AXDND1: variants seen among roughly 807,000 people sequenced by gnomAD.
AXDND1 encodes the protein axonemal dynein light chain domain-containing protein 1.
AXDND1 carries 110 observed loss-of-function variants against 137.5 expected under a neutral mutation model. The ratio of observed to expected loss-of-function variants is 0.80; its 90% confidence interval spans 0.69 to 0.94. AXDND1 has a LOEUF of 0.94. AXDND1 is among the 40% of genes least tolerant of loss of function. The probability of loss-of-function intolerance (pLI) is 0.00; values close to 1 mark genes in which losing one functional copy is unlikely to be tolerated. For synonymous variants in AXDND1, 414 were observed against 399.7 expected, an observed-to-expected ratio of 1.04 and a Z score of -0.43; for missense variants, 1,191 against 1,169.8, an observed-to-expected ratio of 1.02 and a Z score of -0.26.
chr1:179,464,903 A>G (rs1444794608), intron 16 of AXDND1, among the ~76,000 whole-genome samples: 1 of 152,206 alleles, frequency 6.6e-6, no homozygotes, highest in African/African-American at 2.4e-5. Flanking sequence ...CACTTGATCA[A>G]ATCAGCTACT....
At position 179,368,924 on chromosome 1, in the gene AXDND1, T is replaced by C; in HGVS notation, c.222T>C (p.Gly74=). Reference sequence around the variant, plus strand: ...CTCTGACCTATGCGGCCAATGCTGGTCCTTGTCCTGAAAACTTACTACCTC... The same window carrying C: ...CTCTGACCTATGCGGCCAATGCTGGCCCTTGTCCTGAAAACTTACTACCTC... ...LLSLTYAANA[G]PCPENLLPPK... Residue 74 remains glycine, a synonymous_variant, in exon 3 of 26, where the codon GGT becomes GGC. Transcript: ENST00000367618. 6.2e-7 allele frequency: 1 copy of C among 1,614,026 alleles called. No homozygotes were observed. Among genetic ancestry groups the C allele is most frequent in the Non-Finnish European group, 8.5e-7 (1 of 1,179,938 alleles).
intron 20 of AXDND1, among the ~76,000 whole-genome samples, chr1:179,501,669 C>T (rs1160213861): frequency 1.3e-5 from 2 of 152,080 alleles, no homozygotes; most frequent in Non-Finnish European, 2.9e-5. Context: ...CCAATCACGC[C>T]ACTGCATTCC....
At chr1:179,441,869 A>T (rs10798678) in intron 15 of AXDND1, among the ~76,000 whole-genome samples, 64 of 152,180 alleles carry the variant, frequency 4.2e-4, no homozygotes, top group African/African-American at 1.4e-3. Flanking sequence ...TTTAAATTCC[A>T]TATCAGATAT....
intron 16 of AXDND1, among the ~76,000 whole-genome samples, chr1:179,467,837 A>G (rs1029630869): frequency 3.9e-5 from 6 of 152,338 alleles, no homozygotes; most frequent in African/African-American, 9.6e-5. Flanking sequence ...TTGTCTTTAT[A>G]TAACTTTGAG....
chr1:179,535,526 A>G (rs1671463367), intron 25 of AXDND1, among the ~76,000 whole-genome samples: 1 of 152,180 alleles, frequency 6.6e-6, no homozygotes, highest in African/African-American at 2.4e-5. Context: ...TTCCAGCTTC[A>G]TCCATGTCCC....
At position 179,518,278 on chromosome 1, in the gene AXDND1, C is replaced by G. The variant is rs188114593; in HGVS notation, c.2497-7056C>G. On this transcript the variant is annotated intron_variant, in intron 21 of 25. Coordinates refer to ENST00000367618, the MANE Select transcript of AXDND1 (RefSeq NM_144696.6). ...AACATTTAAAAACAGCTGTATTCAA[C>G]CTAAGTCTATTTTTTGATTTTCTAT... 2.6e-3 allele frequency among the ~76,000 whole-genome samples: 396 copies of G among 152,212 alleles called. 1 individual carries two copies. Among genetic ancestry groups the G allele is most frequent in the Non-Finnish European group, 4.3e-3 (291 of 68,010 alleles).
chr1:179,392,179 C>T (rs1451378205), intron 9 of AXDND1, among the ~76,000 whole-genome samples: 2 of 152,160 alleles, frequency 1.3e-5, no homozygotes, highest in African/African-American at 4.8e-5. Flanking sequence ...CTTATGCCTT[C>T]GCATCCTCAT....
In AXDND1 at chr1:179,374,519, T is replaced by C. The variant is rs187968776; in HGVS notation, c.375-4118T>C. Among the ~76,000 whole-genome samples the C allele has an allele frequency of 8.8e-4, 134 of 152,264 alleles. 1 individual carries two copies. Among genetic ancestry groups the C allele is most frequent in the African/African-American group, 2.9e-3 (122 of 41,542 alleles). ...TACATCATGCTACTATAAAGACACA[T>C]GCACACATATGTTTATTGCGGCACT... On this transcript the variant is annotated intron_variant, in intron 4 of 25. Transcript: ENST00000367618.
At chr1:179,510,893 C>T (rs1668977657) in intron 21 of AXDND1, among the ~76,000 whole-genome samples, 1 of 150,404 alleles carries the variant, frequency 6.6e-6, no homozygotes, top group Non-Finnish European at 1.5e-5. Flanking sequence ...TATCCCTTGC[C>T]CCCCTCCCAC....
intron 7 of AXDND1, among the ~76,000 whole-genome samples, chr1:179,383,185 G>A (rs542125306): frequency 7.9e-5 from 12 of 151,790 alleles, no homozygotes; most frequent in Non-Finnish European, 1.5e-4. Context: ...TATATGATAG[G>A]TATATAGAAT....
At chr1:179,550,966 T>C in intron 25 of AXDND1, 1 of 629,960 alleles carries the variant, frequency 1.6e-6, no homozygotes, top group Non-Finnish European at 2.8e-6. Flanking sequence ...TCTGACTAGA[T>C]GAGTCACGGA....
intron 16 of AXDND1, among the ~76,000 whole-genome samples, chr1:179,465,463 G>A (rs961317984): frequency 6.6e-6 from 1 of 152,230 alleles, no homozygotes; most frequent in Non-Finnish European, 1.5e-5. Context: ...AAATGTTTCT[G>A]CCTGATCCTT....
intron 21 of AXDND1, among the ~76,000 whole-genome samples, chr1:179,516,156 T>G (rs1669515694): frequency 6.6e-6 from 1 of 152,128 alleles, no homozygotes; most frequent in Non-Finnish European, 1.5e-5. Context: ...TTTCTTTTTC[T>G]TTTTTCTTTG....
chr1:179,378,842 A>T (rs1647744394), intron 5 of AXDND1, 85 bp downstream of exon 5: 1 of 1,129,484 alleles, frequency 8.9e-7, no homozygotes, highest in Non-Finnish European at 1.1e-6. Flanking sequence ...TATAAATATA[A>T]AATATAAAAC....
intron 11 of AXDND1, among the ~76,000 whole-genome samples, chr1:179,410,230 T>C (rs915598623): frequency 3.9e-5 from 6 of 152,192 alleles, no homozygotes; most frequent in Non-Finnish European, 8.8e-5. Flanking sequence ...ATAACTTCTA[T>C]GTTTGTATTT....
chr1:179,401,165 G>A (rs984570278), intron 11 of AXDND1, among the ~76,000 whole-genome samples: 16 of 150,454 alleles, frequency 1.1e-4, no homozygotes, highest in African/African-American at 3.9e-4. Flanking sequence ...GGCTGAGGCA[G>A]GAGAATCGCT....
intron 2 of AXDND1, among the ~76,000 whole-genome samples, chr1:179,367,591 G>T (rs1354606253): frequency 6.6e-6 from 1 of 151,836 alleles, no homozygotes; most frequent in Non-Finnish European, 1.5e-5. Flanking sequence ...ACAAAATTTA[G>T]CCTGGTGTGG....
At chr1:179,370,359 T>C (rs1298339857) in intron 4 of AXDND1, among the ~76,000 whole-genome samples, 1 of 152,218 alleles carries the variant, frequency 6.6e-6, no homozygotes, top group Non-Finnish European at 1.5e-5. Context: ...TCCTATTCCC[T>C]GTTGTACCCT....
chr1:179,513,431 A>T (rs1280096251), intron 21 of AXDND1, among the ~76,000 whole-genome samples: 1 of 152,132 alleles, frequency 6.6e-6, no homozygotes, highest in Non-Finnish European at 1.5e-5. Flanking sequence ...ATCATGGTGG[A>T]TTATCTTTTT....
Sources: allele counts gnomAD v4.1 joint callset (sites outside exome capture counted in the v4.1 genomes callset), GRCh38; gene constraint gnomAD v4.1.1; transcripts MANE v1.5; gene names NCBI Gene and HGNC (gene_info 2026-07-23, HGNC 2026-07-21).